ACVR1: variants seen among roughly 807,000 people sequenced by gnomAD.
ACVR1 encodes the protein activin receptor type-1.
Under a neutral mutation model 57.1 loss-of-function variants are expected in ACVR1, and 38 were observed. The observed-to-expected ratio is 0.67, with a 90% confidence interval of 0.51 to 0.87. The LOEUF (loss-of-function observed/expected upper bound fraction) is 0.87. ACVR1 is among the 40% of genes least tolerant of loss of function. The probability of loss-of-function intolerance (pLI) is 0.00; values close to 1 mark genes in which losing one functional copy is unlikely to be tolerated. For synonymous variants in ACVR1, 212 were observed against 228.1 expected (o/e 0.93, Z 0.63); for missense variants, 463 against 638.2 (o/e 0.73, Z 2.96).
At chr2:157,830,793 G>A (rs1466449532) in intron 1 of ACVR1, among the ~76,000 whole-genome samples, 1 of 151,780 alleles carries the variant, frequency 6.6e-6, no homozygotes, top group Non-Finnish European at 1.5e-5. Context: ...ATGGTCACTT[G>A]GACTCATGCC....
chr2:157,766,492 T>C (rs923569896), intron 7 of ACVR1, among the ~76,000 whole-genome samples: 1 of 152,220 alleles, frequency 6.6e-6, no homozygotes, highest in Non-Finnish European at 1.5e-5. Context: ...TGCTCACCCA[T>C]AATGATAGTG....
intron 1 of ACVR1, among the ~76,000 whole-genome samples, chr2:157,840,090 T>C (rs973903348): frequency 6.6e-6 from 1 of 152,202 alleles, no homozygotes; most frequent in Non-Finnish European, 1.5e-5. Context: ...AAAGAAAGTG[T>C]GATTTTCTCA....
At position 157,816,707 on chromosome 2, in the gene ACVR1, C is replaced by T. The variant is rs114260287; in HGVS notation, c.-8+1678G>A. Among the ~76,000 whole-genome samples, 1,178 of 152,248 alleles carry T rather than the reference C, an allele frequency of 7.7e-3. 17 individuals carry two copies. Among genetic ancestry groups the T allele is most frequent in the African/African-American group, 0.027 (1,125 of 41,532 alleles). ...CCACATCAGAGACTTTCCTCAAAAG[C>T]GTTAAATCTAAGGAGGCTGCACAGA... is the stretch of plus-strand genomic sequence containing the variant. On this transcript the variant is annotated intron_variant, in intron 2 of 10. Coordinates refer to ENST00000434821, the MANE Select transcript of ACVR1 (RefSeq NM_001111067.4).
intron 1 of ACVR1, among the ~76,000 whole-genome samples, chr2:157,850,154 C>G (rs1187393247): frequency 2.6e-5 from 4 of 152,086 alleles, no homozygotes; most frequent in African/African-American, 9.7e-5. Flanking sequence ...CTTTAGGAGG[C>G]TGAGGTGGGC....
intron 1 of ACVR1, among the ~76,000 whole-genome samples, chr2:157,853,708 A>G (rs1454506199): frequency 1.3e-5 from 2 of 152,226 alleles, no homozygotes; most frequent in Non-Finnish European, 2.9e-5. Context: ...TCTTCATGAC[A>G]TAGCCATTAC....
At chr2:157,806,632 C>G (rs907075266) in intron 2 of ACVR1, 1 of 152,138 alleles carries the variant, frequency 6.6e-6, no homozygotes, top group African/African-American at 2.4e-5. Flanking sequence ...ATGAGCTAAC[C>G]CAAAGGCAGC....
intron 7 of ACVR1, among the ~76,000 whole-genome samples, chr2:157,768,214 TC>T (rs1396290446): frequency 6.6e-6 from 1 of 152,148 alleles, no homozygotes; most frequent in African/African-American, 2.4e-5. Flanking sequence ...CCTTCCCTGC[TC>T]CCCAGTCTGC....
chr2:157,750,963 T>C (rs1462019268), intron 9 of ACVR1, among the ~76,000 whole-genome samples: 1 of 150,864 alleles, frequency 6.6e-6, no homozygotes, highest in Non-Finnish European at 1.5e-5. Flanking sequence ...AAATTGCAGC[T>C]CCCACTTAGA....
At chr2:157,777,232 A>C (rs1686324630) in intron 5 of ACVR1, among the ~76,000 whole-genome samples, 1 of 152,240 alleles carries the variant, frequency 6.6e-6, no homozygotes, top group African/African-American at 2.4e-5. Context: ...TCATTTAAAA[A>C]TATGCAAAAG....
rs1161338721 is a variant in ACVR1 at position 157,736,902 on chromosome 2, G to T, written c.*629C>A. On this transcript the variant is annotated 3_prime_UTR_variant, in exon 11 of 11. Coordinates refer to ENST00000434821, the MANE Select transcript of ACVR1 (RefSeq NM_001111067.4). ...AGTAATAAATAATTTGCAAAGTTGT[G>T]TATAAACAATTCCTAATGTTCGGCA... The T allele has an allele frequency of 3.1e-6, 1 of 319,158 alleles. No individual in the cohort carries two copies. The highest frequency in any genetic ancestry group is 5.8e-6 in the Non-Finnish European group (1 of 173,408). 19.8% of individuals were successfully genotyped at this position (319,158 alleles called of 1,614,324 possible).
chr2:157,870,404 A>T (rs1558859936), intron 1 of ACVR1, among the ~76,000 whole-genome samples: 1 of 152,170 alleles, frequency 6.6e-6, no homozygotes, highest in Non-Finnish European at 1.5e-5. Flanking sequence ...AAAAGCACAC[A>T]CCCATCAAGT....
At chr2:157,872,450 G>A (rs1690141756) in intron 1 of ACVR1, among the ~76,000 whole-genome samples, 1 of 152,170 alleles carries the variant, frequency 6.6e-6, no homozygotes, top group Non-Finnish European at 1.5e-5. Flanking sequence ...ATGCTGAAAA[G>A]TGCTAGCTTC....
chr2:157,741,988 C>A (rs190440748), intron 9 of ACVR1, among the ~76,000 whole-genome samples: 2 of 152,182 alleles, frequency 1.3e-5, no homozygotes, highest in Non-Finnish European at 2.9e-5. Context: ...GGGGCAAGGA[C>A]AGGAACTGAC....
At chr2:157,865,892 G>A (rs1689911581) in intron 1 of ACVR1, among the ~76,000 whole-genome samples, 1 of 151,454 alleles carries the variant, frequency 6.6e-6, no homozygotes, top group African/African-American at 2.4e-5. Context: ...GCAGGCGTGG[G>A]GATATATTTC....
intron 1 of ACVR1, among the ~76,000 whole-genome samples, chr2:157,850,525 A>G (rs776077851): frequency 6.6e-6 from 1 of 152,206 alleles, no homozygotes; most frequent in Non-Finnish European, 1.5e-5. Context: ...CAAATCATAC[A>G]AGATTAACCC....
intron 1 of ACVR1, among the ~76,000 whole-genome samples, chr2:157,833,280 A>AT (rs1688651876): frequency 6.6e-6 from 1 of 152,202 alleles, no homozygotes; most frequent in African/African-American, 2.4e-5. Context: ...GATGTCCAGC[A>AT]TATACTTGAG....
chr2:157,805,820 CTTTTTT>C (rs1222482675), intron 2 of ACVR1, among the ~76,000 whole-genome samples: 2 of 30,176 alleles, frequency 6.6e-5, no homozygotes, highest in East Asian at 1.9e-3. Flanking sequence ...TTTCTTTTTT[CTTTTTT>C]TTTTTTTTTT....
intron 1 of ACVR1, among the ~76,000 whole-genome samples, chr2:157,862,957 T>A (rs1032659161): frequency 6.0e-5 from 9 of 150,612 alleles, no homozygotes; most frequent in African/African-American, 2.2e-4. Flanking sequence ...AGTGATTACA[T>A]AAAATTCCAT....
At chr2:157,807,523 G>A (rs1687593541) in intron 2 of ACVR1, among the ~76,000 whole-genome samples, 1 of 151,354 alleles carries the variant, frequency 6.6e-6, no homozygotes, top group African/African-American at 2.4e-5. Context: ...GCAGCTCACA[G>A]CTCACTCCCT....
Sources: allele counts gnomAD v4.1 joint callset (sites outside exome capture counted in the v4.1 genomes callset), GRCh38; gene constraint gnomAD v4.1.1; transcripts MANE v1.5; gene names NCBI Gene and HGNC (gene_info 2026-07-23, HGNC 2026-07-21).